The following TRIM44 variants were observed in gnomAD, a reference collection of about 807,000 sequenced individuals.
The protein encoded by TRIM44 is tripartite motif-containing protein 44.
In TRIM44, 13 loss-of-function variants were observed where a neutral mutation model predicts 37.4. The observed-to-expected ratio is 0.35, with a 90% CI of 0.23 to 0.55. TRIM44 has a LOEUF of 0.55. Among genes scored for constraint, TRIM44 ranks in the 20% least tolerant of loss-of-function variants. The pLI is 0.89. For synonymous variants in TRIM44, 175 were observed against 157.2 expected (o/e 1.11, Z -0.85); for missense variants, 426 against 437.2 (o/e 0.97, Z 0.23).
intron 4 of TRIM44, among the ~76,000 whole-genome samples, chr11:35,757,540 A>C (rs1852661934): frequency 6.6e-6 from 1 of 152,004 alleles, no homozygotes; most frequent in South Asian, 2.1e-4. Flanking sequence ...CCTTCTGCTA[A>C]CTTTTGAATG....
chr11:35,792,111 A>ACACACTCTCTCT (rs796092540), intron 4 of TRIM44, among the ~76,000 whole-genome samples: 6 of 114,298 alleles, frequency 5.2e-5, no homozygotes, highest in African/African-American at 1.1e-4. Context: ...ACACACACAC[A>ACACACTCTCTCT]CTCTCTCTCA....
In TRIM44 at chr11:35,764,701, G is replaced by A. The variant is rs147333398; in HGVS notation, c.1007+29256G>A. 1.8e-3 allele frequency among the ~76,000 whole-genome samples: 281 copies of A among 152,236 alleles called. 2 individuals carry two copies. The highest frequency in any genetic ancestry group is 6.5e-3 in the African/African-American group (270 of 41,554). ...GAGTACAATTATCAAAGAGGAAGAC[G>A]GTTTGCACCTTGCATCGTAGGAAGT... is the stretch of plus-strand genomic sequence containing the variant. On this transcript the variant is annotated intron_variant, in intron 4 of 4. Transcript: ENST00000299413.
chr11:35,733,241 G>GT (rs1852286055), intron 3 of TRIM44, among the ~76,000 whole-genome samples: 1 of 152,086 alleles, frequency 6.6e-6, no homozygotes, highest in Admixed American at 6.5e-5. Flanking sequence ...TTGAGACCAT[G>GT]TTTTTATATT....
intron 4 of TRIM44, among the ~76,000 whole-genome samples, chr11:35,759,949 C>A (rs191190931): frequency 1.4e-4 from 22 of 152,328 alleles, no homozygotes; most frequent in Non-Finnish European, 5.9e-5. Flanking sequence ...GTTCAGGGAC[C>A]CACTTGAGGC....
intron 2 of TRIM44, among the ~76,000 whole-genome samples, chr11:35,700,868 T>G (rs1851778967): frequency 1.3e-5 from 2 of 152,320 alleles, no homozygotes; most frequent in Admixed American, 1.3e-4. Context: ...ACTACAACAT[T>G]ACTGTTTTTA....
At chr11:35,675,719 A>G (rs1170137698) in intron 1 of TRIM44, among the ~76,000 whole-genome samples, 1 of 152,002 alleles carries the variant, frequency 6.6e-6, no homozygotes, top group Non-Finnish European at 1.5e-5. Context: ...ACGGGGTTTC[A>G]CTATTTTGGC....
chr11:35,700,247 T>A (rs1851767776), intron 2 of TRIM44, among the ~76,000 whole-genome samples: 1 of 152,224 alleles, frequency 6.6e-6, no homozygotes, highest in Non-Finnish European at 1.5e-5. Flanking sequence ...TATGTTCAAT[T>A]TACTGATAAA....
At chr11:35,754,886 T>A (rs1012650841) in intron 4 of TRIM44, among the ~76,000 whole-genome samples, 2 of 152,224 alleles carry the variant, frequency 1.3e-5, no homozygotes, top group Non-Finnish European at 2.9e-5. Flanking sequence ...TGCCACATTT[T>A]CTTAATCCAG....
At chr11:35,740,096 TAAAAAAAAA>T (rs1258985035) in intron 4 of TRIM44, among the ~76,000 whole-genome samples, 2 of 64,558 alleles carry the variant, frequency 3.1e-5, no homozygotes, top group Non-Finnish European at 5.4e-5. Context: ...AGACTCTGTC[TAAAAAAAAA>T]AAAAAAAAAA....
At chr11:35,792,099 ACACACACACACACT>A (rs1201999001) in intron 4 of TRIM44, among the ~76,000 whole-genome samples, 22 of 109,244 alleles carry the variant, frequency 2.0e-4, no homozygotes, top group African/African-American at 5.3e-4. Context: ...ACACACACAC[ACACACACACACACT>A]CTCTCTCATC....
chr11:35,686,362 G>GTTTTTTTTTTT (rs201740615), intron 2 of TRIM44, among the ~76,000 whole-genome samples: 19 of 143,748 alleles, frequency 1.3e-4, no homozygotes, highest in Admixed American at 4.2e-4. Context: ...GGTTCTTTTT[G>GTTTTTTTTTTT]TTTTTGTTTT....
intron 1 of TRIM44, among the ~76,000 whole-genome samples, chr11:35,665,586 G>GTTTTTTTTTT (rs35522287): frequency 2.8e-5 from 2 of 71,518 alleles, no homozygotes. Flanking sequence ...TTATATATCT[G>GTTTTTTTTTT]TTTTTTTTTT....
At chr11:35,688,380 A>AT (rs1228009845) in intron 2 of TRIM44, among the ~76,000 whole-genome samples, 1 of 152,196 alleles carries the variant, frequency 6.6e-6, no homozygotes, top group Non-Finnish European at 1.5e-5. Flanking sequence ...TAAATTAATC[A>AT]TTTTTTTAAA....
Position 35,809,910 on chromosome 11 carries a change from T to C in TRIM44, c.*3525T>C, listed in dbSNP as rs1853507522. The C allele has an allele frequency of 6.6e-6, 1 of 152,140 alleles. No homozygotes were observed. The highest frequency in any genetic ancestry group is 1.5e-5 in the Non-Finnish European group (1 of 68,036). The allele number at this position is 152,140 out of a possible 1,614,324, so 9.4% of individuals were successfully genotyped here. On this transcript the variant is annotated 3_prime_UTR_variant, in exon 5 of 5. Transcript: ENST00000299413. ...ACACACACACACAATATTTGAGAGC[T>C]AAGGAAAACTCAAAGCAGCCCCTTC...
intron 3 of TRIM44, among the ~76,000 whole-genome samples, chr11:35,730,851 C>CT (rs376635824): frequency 0.19 from 23,713 of 128,080 alleles, 2,474 homozygotes; most frequent in East Asian, 0.35. Flanking sequence ...AGCCTTATAT[C>CT]TTTTTTTTTT....
Position 35,809,970 on chromosome 11 carries a change from G to C in TRIM44, c.*3585G>C, listed in dbSNP as rs1387167075. ...CGTACTACTTCAAAGATTTCTGTCA[G>C]CCCTAATTACAAGTGTCACCATATA... On this transcript the variant is annotated 3_prime_UTR_variant, in exon 5 of 5. Coordinates refer to ENST00000299413, the MANE Select transcript of TRIM44 (RefSeq NM_017583.6). The C allele has an allele frequency of 3.3e-5, 5 of 152,142 alleles. No homozygotes were observed. The highest frequency in any genetic ancestry group is 7.4e-5 in the Non-Finnish European group (5 of 68,018). 9.4% of individuals were successfully genotyped at this position (152,142 alleles called of 1,614,324 possible).
chr11:35,725,903 T>G, intron 2 of TRIM44, 21 bp from the exon 3 acceptor site: 1 of 1,610,934 alleles, frequency 6.2e-7, no homozygotes. Flanking sequence ...CTTATTCTTC[T>G]TATTTGTCTC....
chr11:35,741,165 C>T (rs183213051), intron 4 of TRIM44, among the ~76,000 whole-genome samples: 1 of 152,220 alleles, frequency 6.6e-6, no homozygotes, highest in East Asian at 1.9e-4. Flanking sequence ...ATCAGGACTG[C>T]TTATTATGCA....
chr11:35,679,207 G>T (rs1851497711), intron 1 of TRIM44, among the ~76,000 whole-genome samples: 1 of 152,112 alleles, frequency 6.6e-6, no homozygotes, highest in East Asian at 1.9e-4. Flanking sequence ...TGCCTAGCTG[G>T]TTATTGGCAT....
Sources: allele counts gnomAD v4.1 joint callset (sites outside exome capture counted in the v4.1 genomes callset), GRCh38; gene constraint gnomAD v4.1.1; transcripts MANE v1.5; gene names NCBI Gene and HGNC (gene_info 2026-07-23, HGNC 2026-07-21).